ADGRB3: variants seen among roughly 807,000 people sequenced by gnomAD.
ADGRB3 encodes brain-specific angiogenesis inhibitor 3.
ADGRB3 carries 37 observed loss-of-function variants against 193.4 expected under a neutral mutation model. That is an observed-to-expected ratio of 0.19 (90% CI 0.15 to 0.25). The LOEUF is 0.25. Ranked by LOEUF, ADGRB3 falls within the 10% of genes least tolerant of loss-of-function variation. ADGRB3 has a pLI of 1.00. For synonymous variants in ADGRB3, 690 were observed against 644.2 expected, an observed-to-expected ratio of 1.07 and a Z score of -1.08; for missense variants, 1,637 against 1,852.9, an observed-to-expected ratio of 0.88 and a Z score of 2.14.
At chr6:69,107,980 G>A (rs1392867175) in intron 17 of ADGRB3, among the ~76,000 whole-genome samples, 2 of 150,926 alleles carry the variant, frequency 1.3e-5, no homozygotes, top group Non-Finnish European at 2.9e-5. Flanking sequence ...CCAAACCTCA[G>A]TACCATGCAA....
chr6:69,283,265 G>T (rs1162055040), intron 20 of ADGRB3, among the ~76,000 whole-genome samples: 2 of 152,190 alleles, frequency 1.3e-5, no homozygotes, highest in East Asian at 3.8e-4. Flanking sequence ...TTGGGGAAGA[G>T]ATTAGATTGT....
chr6:68,968,446 C>A (rs556775032), intron 8 of ADGRB3, among the ~76,000 whole-genome samples: 7 of 152,258 alleles, frequency 4.6e-5, no homozygotes, highest in South Asian at 4.1e-4. Context: ...ATCAGGAAAT[C>A]TAGTATTCAA....
At chr6:68,665,024 G>C (rs1006661817) in intron 3 of ADGRB3, among the ~76,000 whole-genome samples, 3 of 151,652 alleles carry the variant, frequency 2.0e-5, no homozygotes, top group African/African-American at 7.3e-5. Flanking sequence ...TTTAAGTCAC[G>C]AGATCTCTCC....
At chr6:68,903,877 A>T (rs1766465250) in intron 3 of ADGRB3, among the ~76,000 whole-genome samples, 1 of 151,666 alleles carries the variant, frequency 6.6e-6, no homozygotes, top group African/African-American at 2.4e-5. Context: ...GCATGCCCAT[A>T]ATCTCAGCTA....
intron 14 of ADGRB3, 91 bp from the exon 15 acceptor site, chr6:69,049,180 C>T: frequency 2.2e-6 from 2 of 917,816 alleles, no homozygotes; most frequent in Non-Finnish European, 3.3e-6. Context: ...TAAGGAAGTA[C>T]TGGAATTATC....
intron 3 of ADGRB3, among the ~76,000 whole-genome samples, chr6:68,734,437 C>A (rs1281869726): frequency 1.3e-5 from 2 of 151,768 alleles, no homozygotes; most frequent in Non-Finnish European, 2.9e-5. Flanking sequence ...GGGATTTTTC[C>A]TTTTATCATA....
chr6:68,779,063 TATTA>T (rs1415246554), intron 3 of ADGRB3, among the ~76,000 whole-genome samples: 5 of 152,038 alleles, frequency 3.3e-5, no homozygotes, highest in Non-Finnish European at 7.4e-5. Flanking sequence ...TCACCCACTT[TATTA>T]ACAATGATTT....
chr6:68,907,137 T>A (rs896628525), intron 3 of ADGRB3, among the ~76,000 whole-genome samples: 1 of 151,956 alleles, frequency 6.6e-6, no homozygotes, highest in African/African-American at 2.4e-5. Context: ...ATGCTCCCAA[T>A]AGCTTTAGCA....
At chr6:69,092,897 C>A (rs1268624201) in intron 17 of ADGRB3, among the ~76,000 whole-genome samples, 1 of 152,110 alleles carries the variant, frequency 6.6e-6, no homozygotes, top group Non-Finnish European at 1.5e-5. Context: ...AGAGCACTTA[C>A]CTTGTTGAGA....
chr6:68,662,956 A>T (rs1768703493), intron 3 of ADGRB3, among the ~76,000 whole-genome samples: 1 of 150,838 alleles, frequency 6.6e-6, no homozygotes. Flanking sequence ...TTTTTTTCTG[A>T]TATTATATAA....
chr6:69,280,866 T>C (rs1247150782), intron 20 of ADGRB3, among the ~76,000 whole-genome samples: 2 of 152,070 alleles, frequency 1.3e-5, no homozygotes. Context: ...TATATATATA[T>C]GTAAGGAACA....
chr6:69,003,483 T>C (rs1769645989), intron 11 of ADGRB3, among the ~76,000 whole-genome samples: 1 of 152,090 alleles, frequency 6.6e-6, no homozygotes, highest in Admixed American at 6.6e-5. Flanking sequence ...AAAAATTGCT[T>C]CAATCAATAG....
rs9354830 is a variant in ADGRB3 at position 69,255,392 on chromosome 6, C to T, written c.2814+16166C>T. On this transcript the variant is annotated intron_variant, in intron 20 of 31. Coordinates refer to ENST00000370598, the MANE Select transcript of ADGRB3 (RefSeq NM_001704.3). ...CTGTTGTTTCCTGACTTTTTAATGA[C>T]TGCCATTCTAACTGGTGTGAGATGG... Among the ~76,000 whole-genome samples, 251 of 152,206 alleles carry T rather than the reference C, an allele frequency of 1.6e-3. 4 individuals are homozygous for T. The East Asian group carries it at 0.032, about 20-fold the overall frequency.
chr6:68,813,179 C>T (rs1370451183), intron 3 of ADGRB3, among the ~76,000 whole-genome samples: 1 of 152,104 alleles, frequency 6.6e-6, no homozygotes, highest in African/African-American at 2.4e-5. Context: ...TCAGCGGTTT[C>T]CACTTTTGCC....
intron 3 of ADGRB3, among the ~76,000 whole-genome samples, chr6:68,646,199 G>A (rs901182241): frequency 2.0e-5 from 3 of 152,078 alleles, no homozygotes; most frequent in African/African-American, 7.2e-5. Flanking sequence ...ACTTCCAGCT[G>A]GGCGTAGTGG....
At chr6:69,125,629 A>G (rs955510209) in intron 17 of ADGRB3, among the ~76,000 whole-genome samples, 1 of 152,182 alleles carries the variant, frequency 6.6e-6, no homozygotes, top group African/African-American at 2.4e-5. Flanking sequence ...GAACTCTGAG[A>G]AATAAATTTA....
chr6:69,255,956 G>A (rs1293712071), intron 20 of ADGRB3, among the ~76,000 whole-genome samples: 1 of 152,084 alleles, frequency 6.6e-6, no homozygotes, highest in South Asian at 2.1e-4. Context: ...TTATTAAATA[G>A]GGAATCCTTT....
intron 3 of ADGRB3, among the ~76,000 whole-genome samples, chr6:68,796,148 C>T (rs1450404464): frequency 1.3e-5 from 2 of 152,098 alleles, no homozygotes; most frequent in South Asian, 2.1e-4. Flanking sequence ...GAAATTAGTA[C>T]ATCACAGAAA....
At chr6:68,797,768 G>C (rs2127369447) in intron 3 of ADGRB3, among the ~76,000 whole-genome samples, 1 of 152,222 alleles carries the variant, frequency 6.6e-6, no homozygotes, top group South Asian at 2.1e-4. Flanking sequence ...CCTCTCCTCA[G>C]ATTTTTATTT....
Sources: gnomAD v4.1 joint callset for allele counts (sites outside exome capture counted in the v4.1 genomes callset) on GRCh38, gnomAD v4.1.1 for gene constraint, MANE v1.5 for transcripts, NCBI Gene and HGNC (gene_info 2026-07-23, HGNC 2026-07-21) for gene names.